RRAS2: variants seen among roughly 807,000 people sequenced by gnomAD.
RRAS2 encodes RAS related 2.
In RRAS2, 7 loss-of-function variants were observed where a neutral mutation model predicts 27.6. That is an observed-to-expected ratio of 0.25 (90% confidence interval 0.14 to 0.48). The LOEUF (loss-of-function observed/expected upper bound fraction) is 0.48, where lower values mean the gene tolerates loss of function less well. RRAS2 is among the 20% of genes least tolerant of loss of function. The pLI is 0.99. For synonymous variants in RRAS2, 86 were observed against 90.9 expected (o/e 0.95, Z 0.31); for missense variants, 178 against 256.2 (o/e 0.69, Z 2.08).
chr11:14,361,733 A>C (rs1849193773), upstream of RRAS2, among the ~76,000 whole-genome samples: 1 of 152,212 alleles, frequency 6.6e-6, no homozygotes, highest in Admixed American at 6.5e-5. Flanking sequence ...CCTGACAATT[A>C]CACCCCTACT....
chr11:14,305,320 T>C (rs1847806804), intron 1 of RRAS2, among the ~76,000 whole-genome samples: 1 of 152,228 alleles, frequency 6.6e-6, no homozygotes, highest in African/African-American at 2.4e-5. Flanking sequence ...ATTGCAGGTA[T>C]ATTCGGAGGC....
At chr11:14,324,429 A>G (rs1414437791) in intron 1 of RRAS2, among the ~76,000 whole-genome samples, 1 of 142,548 alleles carries the variant, frequency 7.0e-6, no homozygotes, top group Non-Finnish European at 1.6e-5. Context: ...ACAGAGGCCA[A>G]AAAAAAAAAA....
chr11:14,305,084 G>C (rs1031512196), intron 1 of RRAS2, among the ~76,000 whole-genome samples: 10 of 152,166 alleles, frequency 6.6e-5, no homozygotes, highest in African/African-American at 2.4e-4. Flanking sequence ...AAAATTTAGT[G>C]AGGTCTTCAG....
chr11:14,305,280 G>C (rs1206953695), intron 1 of RRAS2, among the ~76,000 whole-genome samples: 2 of 152,202 alleles, frequency 1.3e-5, no homozygotes, highest in African/African-American at 4.8e-5. Context: ...ACAAAAGTCT[G>C]TTTATAAGTT....
intron 1 of RRAS2, among the ~76,000 whole-genome samples, chr11:14,339,920 C>T (rs1301366783): frequency 6.6e-6 from 1 of 151,654 alleles, no homozygotes; most frequent in Non-Finnish European, 1.5e-5. Context: ...TCGAGACCAG[C>T]CTGGGCAATA....
intron 4 of RRAS2, among the ~76,000 whole-genome samples, chr11:14,292,069 T>C (rs1847408337): frequency 6.6e-6 from 1 of 152,226 alleles, no homozygotes; most frequent in South Asian, 2.1e-4. Context: ...GGTGTGAAAT[T>C]TTCCACTTGT....
At chr11:14,346,319 A>T (rs1463387312) in intron 1 of RRAS2, among the ~76,000 whole-genome samples, 1 of 152,232 alleles carries the variant, frequency 6.6e-6, no homozygotes, top group Non-Finnish European at 1.5e-5. Context: ...AAAAATGGAG[A>T]AGTCTTCCCA....
At chr11:14,352,673 C>T (rs1347287937) in intron 1 of RRAS2, among the ~76,000 whole-genome samples, 1 of 132 alleles carries the variant, frequency 7.6e-3, no homozygotes, top group African/African-American at 0.033. Context: ...GAAAAAAAGG[C>T]GTGTCAAGTG....
intron 4 of RRAS2, among the ~76,000 whole-genome samples, chr11:14,283,963 T>C (rs1554944704): frequency 6.6e-6 from 1 of 152,176 alleles, no homozygotes; most frequent in East Asian, 1.9e-4. Context: ...CCTCCCAAAG[T>C]GTTGGCATTA....
chr11:14,319,930 C>T (rs993542799), intron 1 of RRAS2, among the ~76,000 whole-genome samples: 1 of 152,108 alleles, frequency 6.6e-6, no homozygotes, highest in East Asian at 1.9e-4. Flanking sequence ...TATAAAACAA[C>T]TAAACAACTC....
At chr11:14,289,060 T>C (rs1849742369) in intron 4 of RRAS2, among the ~76,000 whole-genome samples, 1 of 152,094 alleles carries the variant, frequency 6.6e-6, no homozygotes, top group Non-Finnish European at 1.5e-5. Flanking sequence ...ATTCACCATC[T>C]AAACCCTTTT....
chr11:14,328,142 C>A (rs567719426), intron 1 of RRAS2, among the ~76,000 whole-genome samples: 1 of 152,000 alleles, frequency 6.6e-6, no homozygotes, highest in Non-Finnish European at 1.5e-5. Flanking sequence ...CCGAGGCAGG[C>A]GGATCACCTG....
At chr11:14,296,634 T>G (rs1847558993) in intron 1 of RRAS2, among the ~76,000 whole-genome samples, 1 of 152,202 alleles carries the variant, frequency 6.6e-6, no homozygotes, top group Non-Finnish European at 1.5e-5. Flanking sequence ...ACCTTTCTTT[T>G]CTCACACTTT....
intron 4 of RRAS2, among the ~76,000 whole-genome samples, chr11:14,286,125 T>A (rs903275719): frequency 1.3e-5 from 2 of 152,206 alleles, no homozygotes; most frequent in Non-Finnish European, 2.9e-5. Context: ...CTTGATTGCA[T>A]AAAATAACGG....
chr11:14,327,160 A>G (rs1309127752), intron 1 of RRAS2, among the ~76,000 whole-genome samples: 2 of 152,250 alleles, frequency 1.3e-5, no homozygotes, highest in Non-Finnish European at 2.9e-5. Context: ...AAGCAGACAT[A>G]GCATAAACCA....
At chr11:14,311,334 G>A (rs1382074292) in intron 1 of RRAS2, among the ~76,000 whole-genome samples, 5 of 152,122 alleles carry the variant, frequency 3.3e-5, no homozygotes, top group South Asian at 2.1e-4. Context: ...GCAACAGAGC[G>A]AGAATCTGTC....
chr11:14,347,004 A>T (rs1848847589), intron 1 of RRAS2, among the ~76,000 whole-genome samples: 2 of 152,114 alleles, frequency 1.3e-5, no homozygotes, highest in Admixed American at 1.3e-4. Context: ...AATAAAAATA[A>T]AAAAGTTAGA....
At chr11:14,362,185 T>C (rs1387951344), upstream of RRAS2, among the ~76,000 whole-genome samples, 1 of 152,184 alleles carries the variant, frequency 6.6e-6, no homozygotes, top group Non-Finnish European at 1.5e-5. Flanking sequence ...CTAAAAACAT[T>C]GGATTGTATG....
chr11:14,320,169 T>C (rs1554950091), intron 1 of RRAS2, among the ~76,000 whole-genome samples: 1 of 152,170 alleles, frequency 6.6e-6, no homozygotes, highest in Non-Finnish European at 1.5e-5. Flanking sequence ...GCTATTTCCT[T>C]TGCAGTGAGT....
Sources: gnomAD v4.1 joint callset for allele counts (sites outside exome capture counted in the v4.1 genomes callset) on GRCh38, gnomAD v4.1.1 for gene constraint, MANE v1.5 for transcripts, NCBI Gene and HGNC (gene_info 2026-07-23, HGNC 2026-07-21) for gene names.